ANO3: variants seen among roughly 807,000 people sequenced by gnomAD.
ANO3 encodes anoctamin 3.
ANO3 carries 99 observed loss-of-function variants against 144.8 expected under a neutral mutation model. The observed-to-expected ratio is 0.68, with a 90% CI of 0.58 to 0.81. The LOEUF is 0.81. ANO3 is among the 30% of genes least tolerant of loss of function. ANO3 has a pLI of 0.00. For missense variants in ANO3, 905 were observed against 1,202.2 expected (o/e 0.75, Z 3.66); for synonymous variants, 414 against 392.6 (o/e 1.05, Z -0.64).
chr11:26,284,389 C>T (rs1853752880), intron 1 of ANO3, among the ~76,000 whole-genome samples: 1 of 152,082 alleles, frequency 6.6e-6, no homozygotes, highest in South Asian at 2.1e-4. Context: ...TAATTTGATT[C>T]CTGCATGCTG....
intron 1 of ANO3, among the ~76,000 whole-genome samples, chr11:26,269,543 C>T (rs1853395437): frequency 6.6e-6 from 1 of 152,162 alleles, no homozygotes; most frequent in Non-Finnish European, 1.5e-5. Flanking sequence ...TCCAGTTCAG[C>T]CTGTTGCTTA....
chr11:26,222,319 C>G (rs1852163376), intron 1 of ANO3, among the ~76,000 whole-genome samples: 1 of 152,252 alleles, frequency 6.6e-6, no homozygotes, highest in Non-Finnish European at 1.5e-5. Flanking sequence ...GGGTGGGCTC[C>G]CAAGGCCTTG....
At chr11:26,361,217 C>T (rs1011858723) in intron 1 of ANO3, among the ~76,000 whole-genome samples, 1 of 152,036 alleles carries the variant, frequency 6.6e-6, no homozygotes, top group East Asian at 1.9e-4. Context: ...AATTCCGGTG[C>T]CTTGAGGAAA....
At chr11:26,283,344 A>ATATATATG in intron 1 of ANO3, among the ~76,000 whole-genome samples, 1 of 88,516 alleles carries the variant, frequency 1.1e-5, no homozygotes, top group Non-Finnish European at 2.4e-5. Context: ...ATATATATAT[A>ATATATATG]TATATATATA....
chr11:26,517,877 C>A (rs1268926038), intron 6 of ANO3, among the ~76,000 whole-genome samples: 2 of 151,852 alleles, frequency 1.3e-5, no homozygotes, highest in African/African-American at 2.4e-5. Context: ...ACGTAGGGCT[C>A]GAAAGATGCA....
intron 1 of ANO3, among the ~76,000 whole-genome samples, chr11:26,349,145 G>C (rs1490570000): frequency 6.6e-6 from 1 of 152,162 alleles, no homozygotes; most frequent in African/African-American, 2.4e-5. Flanking sequence ...TTACACACTA[G>C]TAATTGATCG....
intron 14 of ANO3, chr11:26,567,143 G>T: frequency 7.2e-7 from 1 of 1,397,056 alleles, no homozygotes; most frequent in South Asian, 1.8e-5. Flanking sequence ...ACAGAAGCTG[G>T]AAAATGGAAG....
chr11:26,319,144 C>CATCATCATCATTATTATTATT (rs1554938770), intron 1 of ANO3, among the ~76,000 whole-genome samples: 24 of 150,932 alleles, frequency 1.6e-4, no homozygotes, highest in African/African-American at 5.8e-4. Flanking sequence ...TTCCAGATAA[C>CATCATCATCATTATTATTATT]ATTATTATTA....
chr11:26,400,702 A>G (rs1293738620), intron 1 of ANO3, among the ~76,000 whole-genome samples: 1 of 151,820 alleles, frequency 6.6e-6, no homozygotes, highest in East Asian at 1.9e-4. Context: ...ACATTACAAC[A>G]TATGCATACA....
At position 26,534,479 on chromosome 11, in the gene ANO3, C is replaced by T. The variant is rs772836814; in HGVS notation, c.893C>T (p.Thr298Ile). The T allele has an allele frequency of 3.7e-6, 6 of 1,612,238 alleles. No individual in the cohort carries two copies. Among genetic ancestry groups the T allele is most frequent in the Non-Finnish European group, 5.1e-6 (6 of 1,178,770 alleles). The change falls in exon 9 of 27, where the codon ACC becomes ATC. Residue 298 changes from threonine (T) to isoleucine (I), a missense_variant. Physicochemically the swap from Thr to Ile is moderately conservative, Grantham distance 89. Around this residue, in one of 4 missense-constraint regions of ANO3, gnomAD observed 597 missense variants for 865.1 expected, o/e 0.69. Coordinates refer to ENST00000256737, the MANE Select transcript of ANO3 (RefSeq NM_031418.4). Reference sequence around the variant, plus strand: ...AGCTTCATAATAAATAATAAAGACACCTTCTTCAGCAATGCTACTCGAAGC... The same window carrying T: ...AGCTTCATAATAAATAATAAAGACATCTTCTTCAGCAATGCTACTCGAAGC... ...IHHFIINNKDTFFSNATRSRI... is the reference protein window; with the variant it reads ...IHHFIINNKDIFFSNATRSRI...
intron 1 of ANO3, among the ~76,000 whole-genome samples, chr11:26,335,197 C>T (rs888642247): frequency 6.6e-6 from 1 of 152,098 alleles, no homozygotes; most frequent in African/African-American, 2.4e-5. Flanking sequence ...ATCACTAAGC[C>T]ACAGTAACTG....
intron 1 of ANO3, among the ~76,000 whole-genome samples, chr11:26,395,020 G>A (rs574412554): frequency 1.2e-4 from 18 of 152,034 alleles, no homozygotes; most frequent in Non-Finnish European, 2.4e-4. Flanking sequence ...TCATATTATG[G>A]GACCTGACCC....
chr11:26,646,016 C>T (rs147806063), intron 23 of ANO3, among the ~76,000 whole-genome samples: 6 of 152,236 alleles, frequency 3.9e-5, no homozygotes, highest in African/African-American at 7.2e-5. Context: ...CCAGACAACA[C>T]GAAAGTGTAT....
At chr11:26,267,621 C>T (rs78532027) in intron 1 of ANO3, among the ~76,000 whole-genome samples, 3,005 of 152,300 alleles carry the variant, frequency 0.02, 60 homozygotes, top group East Asian at 0.12. Flanking sequence ...AGGACAATTA[C>T]AATCATTCCA....
At chr11:26,292,211 C>G (rs1388783594) in intron 1 of ANO3, among the ~76,000 whole-genome samples, 1 of 151,568 alleles carries the variant, frequency 6.6e-6, no homozygotes, top group Non-Finnish European at 1.5e-5. Context: ...CAGTTACTGA[C>G]ACTTGTGCAT....
intron 1 of ANO3, among the ~76,000 whole-genome samples, chr11:26,195,144 C>T (rs969721479): frequency 2.6e-5 from 4 of 152,126 alleles, no homozygotes; most frequent in African/African-American, 4.8e-5. Context: ...GGTGGCTGCA[C>T]GAGGACCTTG....
At chr11:26,641,397 C>T (rs2133058543) in intron 21 of ANO3, among the ~76,000 whole-genome samples, 1 of 152,182 alleles carries the variant, frequency 6.6e-6, no homozygotes, top group African/African-American at 2.4e-5. Context: ...ACCCAAGGGT[C>T]AATTAGTTTA....
At chr11:26,569,583 G>A (rs530092886) in intron 14 of ANO3, among the ~76,000 whole-genome samples, 2 of 152,154 alleles carry the variant, frequency 1.3e-5, no homozygotes, top group South Asian at 2.1e-4. Flanking sequence ...AGATTTGGCC[G>A]AAGTTTGACC....
chr11:26,591,568 A>G (rs900894785), intron 14 of ANO3, among the ~76,000 whole-genome samples: 12 of 152,196 alleles, frequency 7.9e-5, no homozygotes, highest in African/African-American at 2.9e-4. Context: ...CTCCTTTAGA[A>G]AAACCCCTAT....
Sources: gnomAD v4.1 joint callset for allele counts (sites outside exome capture counted in the v4.1 genomes callset) on GRCh38, gnomAD v4.1.1 for gene constraint, gnomAD v4.1.1 regional missense constraint, MANE v1.5 for transcripts, NCBI Gene and HGNC (gene_info 2026-07-23, HGNC 2026-07-21) for gene names.